The following KLHL1 variants were observed in gnomAD, a reference collection of about 807,000 sequenced individuals.
KLHL1 encodes kelch like family member 1.
In KLHL1, 47 loss-of-function variants were observed where a neutral mutation model predicts 77.7. That is an observed-to-expected ratio of 0.60 (90% CI 0.48 to 0.77). KLHL1 has a LOEUF of 0.77. KLHL1 is among the 30% of genes least tolerant of loss of function. The pLI, the probability that KLHL1 is intolerant of heterozygous loss-of-function variation, is 0.00. For missense variants in KLHL1, 925 were observed against 910.8 expected, an observed-to-expected ratio of 1.02 and a Z score of -0.20; for synonymous variants, 360 against 325.2, an observed-to-expected ratio of 1.11 and a Z score of -1.15.
chr13:69,850,801 A>T (rs1879654933), intron 5 of KLHL1, among the ~76,000 whole-genome samples: 1 of 151,650 alleles, frequency 6.6e-6, no homozygotes, highest in Admixed American at 6.6e-5. Context: ...GTTTAGGCTC[A>T]TTTGTCACTG....
intron 5 of KLHL1, among the ~76,000 whole-genome samples, chr13:69,847,209 A>AATG (rs1879497606): frequency 6.6e-6 from 1 of 151,376 alleles, no homozygotes; most frequent in African/African-American, 2.4e-5. Context: ...TTATTACATA[A>AATG]ATGACATACA....
At chr13:69,791,393 T>G (rs2138028249) in intron 7 of KLHL1, among the ~76,000 whole-genome samples, 1 of 152,224 alleles carries the variant, frequency 6.6e-6, no homozygotes, top group Non-Finnish European at 1.5e-5. Context: ...AATCAATATT[T>G]AAATCCCAGG....
chr13:70,078,644 T>C (rs1006408471), intron 1 of KLHL1, among the ~76,000 whole-genome samples: 1 of 152,102 alleles, frequency 6.6e-6, no homozygotes, highest in African/African-American at 2.4e-5. Flanking sequence ...CCTCTTTGCC[T>C]TCAAATCTAT....
At chr13:70,102,750 A>C (rs1887954961) in intron 1 of KLHL1, among the ~76,000 whole-genome samples, 1 of 152,230 alleles carries the variant, frequency 6.6e-6, no homozygotes, top group African/African-American at 2.4e-5. Flanking sequence ...GGATACATAA[A>C]TGTAGCAGGA....
intron 1 of KLHL1, among the ~76,000 whole-genome samples, chr13:70,052,744 T>A (rs1288561122): frequency 6.6e-6 from 1 of 152,038 alleles, no homozygotes; most frequent in Middle Eastern, 3.4e-3. Context: ...CTCTCTCACA[T>A]GCACATACAT....
intron 2 of KLHL1, among the ~76,000 whole-genome samples, chr13:69,970,939 T>A (rs1366960393): frequency 1.3e-5 from 2 of 152,146 alleles, no homozygotes; most frequent in East Asian, 3.8e-4. Context: ...CTTCATTTCA[T>A]GCCTGGATTA....
intron 4 of KLHL1, among the ~76,000 whole-genome samples, chr13:69,929,938 T>C (rs1882946970): frequency 6.6e-6 from 1 of 151,872 alleles, no homozygotes; most frequent in Non-Finnish European, 1.5e-5. Flanking sequence ...AAGGCTACTA[T>C]TGAATGAAGA....
At chr13:69,892,142 C>A (rs1881445271) in intron 4 of KLHL1, among the ~76,000 whole-genome samples, 1 of 152,000 alleles carries the variant, frequency 6.6e-6, no homozygotes, top group African/African-American at 2.4e-5. Context: ...CGGTATTTGC[C>A]AATATTCTTT....
At chr13:69,901,109 A>G (rs2138226359) in intron 4 of KLHL1, among the ~76,000 whole-genome samples, 1 of 152,370 alleles carries the variant, frequency 6.6e-6, no homozygotes, top group African/African-American at 2.4e-5. Flanking sequence ...GACACTGTAC[A>G]TGCAAATAGA....
At chr13:70,057,673 G>A (rs896424669) in intron 1 of KLHL1, among the ~76,000 whole-genome samples, 1 of 149,182 alleles carries the variant, frequency 6.7e-6, no homozygotes, top group African/African-American at 2.4e-5. Flanking sequence ...CTACTCGGGA[G>A]GCTGAGGCAG....
chr13:69,957,581 C>A (rs1465888641), intron 3 of KLHL1, among the ~76,000 whole-genome samples: 1 of 151,588 alleles, frequency 6.6e-6, no homozygotes, highest in East Asian at 1.9e-4. Flanking sequence ...ACACCGTGAC[C>A]CTCTTCATGC....
intron 1 of KLHL1, among the ~76,000 whole-genome samples, chr13:70,069,550 T>G (rs2137415861): frequency 6.6e-6 from 1 of 152,186 alleles, no homozygotes; most frequent in East Asian, 1.9e-4. Context: ...ATTATAAGAC[T>G]AAGAATTTAA....
At chr13:69,997,684 AT>A in intron 1 of KLHL1, among the ~76,000 whole-genome samples, 1 of 147,064 alleles carries the variant, frequency 6.8e-6, no homozygotes, top group Non-Finnish European at 1.5e-5. Context: ...AATATTACTT[AT>A]ATATATAATA....
intron 8 of KLHL1, among the ~76,000 whole-genome samples, chr13:69,725,946 A>G (rs1223466959): frequency 6.6e-6 from 1 of 152,086 alleles, no homozygotes; most frequent in African/African-American, 2.4e-5. Context: ...TTTTCATTAC[A>G]TATGCAGGGT....
At chr13:69,788,173 AG>A (rs1403899237) in intron 7 of KLHL1, among the ~76,000 whole-genome samples, 1 of 152,264 alleles carries the variant, frequency 6.6e-6, no homozygotes, top group African/African-American at 2.4e-5. Flanking sequence ...ATATACCCAA[AG>A]GATTATAAAT....
intron 5 of KLHL1, among the ~76,000 whole-genome samples, chr13:69,868,913 T>C (rs1196579048): frequency 6.6e-6 from 1 of 152,106 alleles, no homozygotes; most frequent in Non-Finnish European, 1.5e-5. Context: ...TGAAGATCTT[T>C]CCTGCAATCA....
intron 6 of KLHL1, among the ~76,000 whole-genome samples, chr13:69,835,842 A>C (rs1185126734): frequency 6.6e-6 from 1 of 152,066 alleles, no homozygotes; most frequent in Non-Finnish European, 1.5e-5. Context: ...TAAGTGAAGA[A>C]CATTAAAATT....
intron 9 of KLHL1, among the ~76,000 whole-genome samples, chr13:69,714,423 C>A (rs1352773271): frequency 6.6e-6 from 1 of 151,796 alleles, no homozygotes. Context: ...TGGATTATAC[C>A]CAGGAAATCT....
At chr13:70,067,483 C>G (rs1235432553) in intron 1 of KLHL1, among the ~76,000 whole-genome samples, 1 of 152,024 alleles carries the variant, frequency 6.6e-6, no homozygotes, top group Non-Finnish European at 1.5e-5. Flanking sequence ...ATGGGGAAAG[C>G]CGGTGGAGAA....
Sources: gnomAD v4.1 joint callset for allele counts (sites outside exome capture counted in the v4.1 genomes callset) on GRCh38, gnomAD v4.1.1 for gene constraint, MANE v1.5 for transcripts, NCBI Gene and HGNC (gene_info 2026-07-23, HGNC 2026-07-21) for gene names.